PCDHGA5: variants seen among roughly 807,000 people sequenced by gnomAD.
PCDHGA5 encodes protocadherin gamma subfamily A, 5, also known as protocadherin gamma-A5.
A neutral mutation model predicts 56.7 loss-of-function variants in PCDHGA5; 36 were observed. That is an observed-to-expected ratio of 0.64 (90% CI 0.49 to 0.84). The LOEUF is 0.84. Among genes scored for constraint, PCDHGA5 ranks in the 40% least tolerant of loss-of-function variants. PCDHGA5 has a pLI of 0.00. For missense variants in PCDHGA5, 1,305 were observed against 1,201.5 expected (o/e 1.09, Z -1.27); for synonymous variants, 563 against 520.2 (o/e 1.08, Z -1.12).
At chr5:141,419,261 G>C (rs758952830) in intron 1 of PCDHGA5, 16 of 1,613,982 alleles carry the variant, frequency 9.9e-6, no homozygotes, top group Non-Finnish European at 1.3e-5. Context: ...CAACCAGCCG[G>C]GTGCCTCCAT....
chr5:141,429,330 T>C (rs2097204620), intron 1 of PCDHGA5, among the ~76,000 whole-genome samples: 1 of 152,188 alleles, frequency 6.6e-6, no homozygotes, highest in East Asian at 1.9e-4. Flanking sequence ...CTTTAATCCA[T>C]TAACTATAAA....
intron 1 of PCDHGA5, chr5:141,413,527 G>A (rs768496934): frequency 1.2e-6 from 2 of 1,613,938 alleles, no homozygotes; most frequent in Non-Finnish European, 1.7e-6. Flanking sequence ...GGAAGACAGG[G>A]TGAAACTTTT....
chr5:141,485,625 G>C lies in PCDHGA5; in HGVS notation c.2422-9182G>C. On this transcript the variant is annotated intron_variant, in intron 1 of 3. Transcript: ENST00000518069. This position sits in a 1 kb window ranked among gnomAD's most constrained non-coding sequence, Gnocchi z 5.7. ...GGGGAGGCAGCTCCTCCAGGACAGC[G>C]TTTCCCGTTGGAAAAGGCTCAGGAT... The C allele has an allele frequency of 6.2e-7, 1 of 1,611,968 alleles. No individual in the cohort carries two copies. Among genetic ancestry groups the C allele is most frequent in the Non-Finnish European group, 8.5e-7 (1 of 1,178,504 alleles).
intron 2 of PCDHGA5, among the ~76,000 whole-genome samples, chr5:141,501,159 C>G (rs1475164887): frequency 6.6e-6 from 1 of 152,096 alleles, no homozygotes; most frequent in East Asian, 1.9e-4. Context: ...GAGCCACCAT[C>G]CCCAGCCTCA....
chr5:141,489,942 C>T lies in PCDHGA5; in HGVS notation c.2422-4865C>T. On this transcript the variant is annotated intron_variant, in intron 1 of 3. Transcript: ENST00000518069. The surrounding 1 kb of genome is among the most constrained non-coding windows in gnomAD (Gnocchi z 4.5). ...CCCTTATCTCTGTCATCGTGCTGGA[C>T]ATCAATGATAATGCTCCAACCTTCC... 2 of 1,614,170 alleles carry T rather than the reference C, an allele frequency of 1.2e-6. No homozygotes were observed. The highest frequency in any genetic ancestry group is 1.7e-6 in the Non-Finnish European group (2 of 1,179,984).
intron 1 of PCDHGA5, among the ~76,000 whole-genome samples, chr5:141,407,274 A>G (rs763803896): frequency 2.0e-5 from 3 of 152,232 alleles, no homozygotes; most frequent in Non-Finnish European, 2.9e-5. Context: ...GCAACAAGAA[A>G]ATTGTTACAA....
intron 1 of PCDHGA5, among the ~76,000 whole-genome samples, chr5:141,464,833 G>A (rs1015373577): frequency 6.6e-6 from 1 of 151,990 alleles, no homozygotes; most frequent in African/African-American, 2.4e-5. Context: ...CGCACTCCTG[G>A]GCTCAAGCAA....
chr5:141,420,030 G>A (rs1269646706), intron 1 of PCDHGA5: 1 of 1,613,940 alleles, frequency 6.2e-7, no homozygotes, highest in Non-Finnish European at 8.5e-7. Flanking sequence ...CCTACTGCAG[G>A]AGACTGCTTT....
intron 1 of PCDHGA5, chr5:141,415,740 G>GTTTTTTTTTTTTTTTTTTTTTTTTT: frequency 1.8e-5 from 11 of 617,990 alleles, no homozygotes; most frequent in Non-Finnish European, 2.4e-5. Context: ...GTTTATTAAG[G>GTTTTTTTTTTTTTTTTTTTTTTTTT]TTTTTTTTTT....
chr5:141,393,613 G>A, intron 1 of PCDHGA5: 1 of 1,613,926 alleles, frequency 6.2e-7, no homozygotes, highest in Non-Finnish European at 8.5e-7. Flanking sequence ...GTAACAGCCA[G>A]CGACCCGGAT....
At position 141,494,730 on chromosome 5, in the gene PCDHGA5, G is replaced by A. The variant is rs1595262506; in HGVS notation, c.2422-77G>A. 18 of 1,609,816 alleles carry A rather than the reference G, an allele frequency of 1.1e-5. No individual in the cohort carries two copies. In the East Asian group the frequency reaches 4.0e-4, roughly 36 times the overall value. On this transcript the variant is annotated intron_variant, in intron 1 of 3. Coordinates refer to ENST00000518069, the MANE Select transcript of PCDHGA5 (RefSeq NM_018918.3). ...GTGCCCACTCCCCTCCTTCTCTCCC[G>A]GCCCATCCCTAGGGGCTCGGGTGAC...
At chr5:141,410,216 C>T in intron 1 of PCDHGA5, 1 of 1,614,002 alleles carries the variant, frequency 6.2e-7, no homozygotes, top group Non-Finnish European at 8.5e-7. Flanking sequence ...GCAAGAGATA[C>T]TGCCAGACCT....
At chr5:141,461,617 C>T (rs1297064745) in intron 1 of PCDHGA5, among the ~76,000 whole-genome samples, 1 of 152,090 alleles carries the variant, frequency 6.6e-6, no homozygotes, top group African/African-American at 2.4e-5. Flanking sequence ...AAAGTATTTT[C>T]TAATACACCT....
intron 1 of PCDHGA5, chr5:141,428,184 C>G: frequency 6.8e-7 from 1 of 1,463,674 alleles, no homozygotes; most frequent in Middle Eastern, 1.7e-4. Flanking sequence ...GGAGGACAGC[C>G]GCCGCTCTCT....
chr5:141,477,268 C>A lies in PCDHGA5; in HGVS notation c.2422-17539C>A, dbSNP rs2099408532. On this transcript the variant is annotated intron_variant, in intron 1 of 3. Transcript: ENST00000518069. This position sits in a 1 kb window ranked among gnomAD's most constrained non-coding sequence, Gnocchi z 4.9. ...TGACTGACCTGGATGCTGGCGAGAA[C>A]GGGCTGGTGACCTGCGAAGTTCCAC... 1.2e-6 allele frequency: 2 copies of A among 1,614,078 alleles called. No individual in the cohort carries two copies. Among genetic ancestry groups the A allele is most frequent in the Non-Finnish European group, 1.7e-6 (2 of 1,180,038 alleles).
At chr5:141,510,447 C>T (rs1270073364) in intron 3 of PCDHGA5, among the ~76,000 whole-genome samples, 1 of 152,026 alleles carries the variant, frequency 6.6e-6, no homozygotes, top group Non-Finnish European at 1.5e-5. Flanking sequence ...CTCCAGGAGC[C>T]CATGGTCTAG....
In PCDHGA5 at chr5:141,386,511, T is replaced by C. The variant is rs558161782; in HGVS notation, c.2421+19760T>C. Among the ~76,000 whole-genome samples the C allele has an allele frequency of 2.0e-4, 3 of 15,264 alleles. No homozygotes were observed. The East Asian group carries it at 5.2e-3, about 27-fold the overall frequency. 10.0% of individuals were successfully genotyped at this position (15,264 alleles called of 152,430 possible). ...GATAATATAACAAGACTCTGTCTCTTCAAAAAAAGACTCTTTTTAGACTAG... is the reference window on the plus strand; with the variant it reads ...GATAATATAACAAGACTCTGTCTCTCCAAAAAAAGACTCTTTTTAGACTAG... On this transcript the variant is annotated intron_variant, in intron 1 of 3. Coordinates refer to ENST00000518069, the MANE Select transcript of PCDHGA5 (RefSeq NM_018918.3).
intron 1 of PCDHGA5, chr5:141,385,485 A>G: frequency 7.1e-7 from 1 of 1,418,146 alleles, no homozygotes; most frequent in Admixed American, 3.0e-5. Flanking sequence ...AATATAGAAC[A>G]CATAGGATAT....
chr5:141,365,022 C>A lies in PCDHGA5; in HGVS notation c.692C>A (p.Thr231Lys). Residue 231 changes from threonine to lysine, a missense_variant, in exon 1 of 4, where the codon ACG becomes AAG. By Grantham distance (78) the Thr-to-Lys change is moderately conservative. Transcript: ENST00000518069. ...TCCGGCACCACGCACATCCGTGTTA[C>A]GGTCCTCGACGCAAACGACAATGCG... Reference protein sequence around the residue: ...VLSGTTHIRVTVLDANDNAPL... With the variant: ...VLSGTTHIRVKVLDANDNAPL... 6.2e-7 allele frequency: 1 copy of A among 1,613,864 alleles called. No individual in the cohort carries two copies. Among genetic ancestry groups the A allele is most frequent in the South Asian group, 1.1e-5 (1 of 91,080 alleles).
Sources: allele counts gnomAD v4.1 joint callset (sites outside exome capture counted in the v4.1 genomes callset), GRCh38; gene constraint gnomAD v4.1.1; non-coding constraint Gnocchi (gnomAD v3.1); transcripts MANE v1.5; gene names NCBI Gene and HGNC (gene_info 2026-07-23, HGNC 2026-07-21).